The following PUS7L variants were observed in gnomAD, a reference collection of about 807,000 sequenced individuals.
PUS7L encodes the protein pseudouridylate synthase PUS7L.
A neutral mutation model predicts 51.1 loss-of-function variants in PUS7L; 49 were observed. The ratio of observed to expected loss-of-function variants is 0.96; its 90% CI spans 0.76 to 1.22. The LOEUF (loss-of-function observed/expected upper bound fraction) is 1.22. Among genes scored for constraint, PUS7L ranks in the 50% most tolerant of loss-of-function variants. The probability of loss-of-function intolerance (pLI) is 0.00; values close to 1 mark genes in which losing one functional copy is unlikely to be tolerated. For missense variants in PUS7L, 828 were observed against 820.6 expected (o/e 1.01, Z -0.11); for synonymous variants, 277 against 276.2 (o/e 1.00, Z -0.03).
At chr12:43,738,185 T>TA in intron 6 of PUS7L, 125 bp downstream of exon 6, 1 of 659,348 alleles carries the variant, frequency 1.5e-6, no homozygotes, top group Non-Finnish European at 2.7e-6. Flanking sequence ...GTGTTCAGTA[T>TA]GTAATATACT....
chr12:43,737,550 G>C (rs1300944697), intron 6 of PUS7L, among the ~76,000 whole-genome samples: 1 of 150,754 alleles, frequency 6.6e-6, no homozygotes, highest in Non-Finnish European at 1.5e-5. Context: ...TGTGCTTGCT[G>C]TTTTTATTAT....
At chr12:43,735,151 T>G (rs1000606363) in intron 7 of PUS7L, among the ~76,000 whole-genome samples, 10 of 151,178 alleles carry the variant, frequency 6.6e-5, no homozygotes, top group African/African-American at 2.4e-4. Context: ...CAGTCTCTAC[T>G]AAAAATAAAA....
At chr12:43,742,305 C>G in intron 5 of PUS7L, 152 bp downstream of exon 5, 2 of 579,924 alleles carry the variant, frequency 3.4e-6, no homozygotes, top group Non-Finnish European at 6.0e-6. Flanking sequence ...AAGGACAGAG[C>G]AGCAGCTTAC....
chr12:43,723,680 A>T lies in PUS7L; in HGVS notation c.*6696T>A, dbSNP rs1944422560. ...GCATTTTGTAGAGTACCTTTCACTTATTCAAATATTTGTTGGTTATTATGC... is the reference window on the plus strand; with the variant it reads ...GCATTTTGTAGAGTACCTTTCACTTTTTCAAATATTTGTTGGTTATTATGC... On this transcript the variant is annotated 3_prime_UTR_variant, in exon 9 of 9. Coordinates refer to ENST00000344862, the MANE Select transcript of PUS7L (RefSeq NM_031292.5). 1 of 152,120 alleles carries T rather than the reference A, an allele frequency of 6.6e-6. No homozygotes were observed. Among genetic ancestry groups the T allele is most frequent in the South Asian group, 2.1e-4 (1 of 4,826 alleles). 9.4% of individuals were successfully genotyped at this position (152,120 alleles called of 1,614,324 possible).
chr12:43,736,450 T>C lies in PUS7L; in HGVS notation c.1656A>G (p.Ala552=). ...AVSYRLETYG[A]RVVQGDLVCL... is the part of the protein sequence containing the mutation. ...AGACCAAATCACCCTGCACTACTCT[T>C]GCTCCATAGGTTTCAAGTCTGTAAG... The change falls in exon 7 of 9, where the codon GCA becomes GCG. Residue 552 remains alanine, a synonymous_variant. Coordinates refer to ENST00000344862, the MANE Select transcript of PUS7L (RefSeq NM_031292.5). The C allele has an allele frequency of 2.5e-6, 4 of 1,614,192 alleles. No homozygotes were observed. The highest frequency in any genetic ancestry group is 3.4e-6 in the Non-Finnish European group (4 of 1,180,016).
chr12:43,746,925 T>C (rs985960279), intron 3 of PUS7L, among the ~76,000 whole-genome samples: 2 of 152,296 alleles, frequency 1.3e-5, no homozygotes, highest in Middle Eastern at 3.4e-3. Context: ...CTCTCTTCCT[T>C]AGAGGGGAGC....
intron 5 of PUS7L, 68 bp from the exon 6 acceptor site, chr12:43,738,459 C>CT: frequency 1.2e-6 from 1 of 831,996 alleles, no homozygotes; most frequent in Non-Finnish European, 2.0e-6. Context: ...AAAAAAGATG[C>CT]AAATTCTCTA....
intron 2 of PUS7L, among the ~76,000 whole-genome samples, chr12:43,753,436 G>A (rs74609547): frequency 0.015 from 2,353 of 152,212 alleles, 61 homozygotes; most frequent in African/African-American, 0.053. Context: ...AACCCACATA[G>A]TTCCAAGGTC....
chr12:43,733,244 A>AT (rs149075510), intron 7 of PUS7L, among the ~76,000 whole-genome samples: 1 of 152,340 alleles, frequency 6.6e-6, no homozygotes, highest in African/African-American at 2.4e-5. Context: ...TAGTAACTCT[A>AT]TCAAAAGAAG....
chr12:43,741,670 T>C (rs1304529943), intron 5 of PUS7L, among the ~76,000 whole-genome samples: 1 of 152,196 alleles, frequency 6.6e-6, no homozygotes. Flanking sequence ...AAAATCTCCT[T>C]TGAAATGTGA....
At chr12:43,746,656 C>G (rs1159909913) in intron 3 of PUS7L, among the ~76,000 whole-genome samples, 1 of 152,186 alleles carries the variant, frequency 6.6e-6, no homozygotes, top group Non-Finnish European at 1.5e-5. Context: ...CACTTCCTTA[C>G]TCAAACTTTC....
At chr12:43,741,596 G>A (rs1937900177) in intron 5 of PUS7L, among the ~76,000 whole-genome samples, 1 of 152,200 alleles carries the variant, frequency 6.6e-6, no homozygotes, top group African/African-American at 2.4e-5. Flanking sequence ...TTTCTAGACT[G>A]AAGAACCACT....
At position 43,755,073 on chromosome 12, in the gene PUS7L, C is replaced by A. The variant is rs753616885; in HGVS notation, c.173G>T (p.Ser58Ile). 5.0e-6 allele frequency: 8 copies of A among 1,613,542 alleles called. No individual in the cohort carries two copies. The highest frequency in any genetic ancestry group is 2.5e-6 in the Non-Finnish European group (3 of 1,179,704). The change falls in exon 2 of 9, where the codon AGT (serine) becomes ATT (isoleucine). Residue 58 changes from serine to isoleucine, a missense_variant. By Grantham distance (142) the Ser-to-Ile change is moderately radical. Transcript: ENST00000344862. ...KTIDEPIFKI[S>I]EIQLEPNNFP... The stretch of plus-strand genomic sequence containing the variant: ...ATTATTTGGCTCAAGTTGTATTTCA[C>A]TAATCTTGAAAATAGGCTCATCGAT...
Position 43,728,361 on chromosome 12 carries a change from T to A in PUS7L, c.*2015A>T, listed in dbSNP as rs1318287722. The A allele has an allele frequency of 6.6e-6, 1 of 152,032 alleles. No individual in the cohort carries two copies. The highest frequency in any genetic ancestry group is 1.5e-5 in the Non-Finnish European group (1 of 67,970). 9.4% of individuals were successfully genotyped at this position (152,032 alleles called of 1,614,324 possible). A position where few individuals can be genotyped will look rare whatever the true frequency, so the allele number is the denominator to read the frequency against. The stretch of plus-strand genomic sequence containing the variant: ...TAGTGCCATCTGCAGGCAAAAAAAG[T>A]AAAATCAATGATATATTTTCATGCT... On this transcript the variant is annotated 3_prime_UTR_variant, in exon 9 of 9. Coordinates refer to ENST00000344862, the MANE Select transcript of PUS7L (RefSeq NM_031292.5).
intron 1 of PUS7L, among the ~76,000 whole-genome samples, chr12:43,755,772 T>C (rs1179333861): frequency 6.6e-6 from 1 of 152,136 alleles, no homozygotes; most frequent in African/African-American, 2.4e-5. Flanking sequence ...TAAATACAAA[T>C]TTGTGATTTG....
At chr12:43,750,484 T>C (rs915480478) in intron 2 of PUS7L, among the ~76,000 whole-genome samples, 1 of 152,232 alleles carries the variant, frequency 6.6e-6, no homozygotes, top group East Asian at 1.9e-4. Flanking sequence ...ACTAAATTTA[T>C]AAGTTTAATG....
rs759909472 is a variant in PUS7L, at chr12:43,755,023, G to T, written c.223C>A (p.Leu75Ile). ...CCATCTTCTAAGGACAGATTTTGAA[G>T]ATCTAGTTTTGGTTTTTTGGGAAAA... ...NNFPKKPKLD[L>I]QNLSLEDGRN... Residue 75 changes from leucine (L) to isoleucine (I), a missense_variant, in exon 2 of 9, where the codon CTT (leucine) becomes ATT (isoleucine). Leu to Ile is a conservative substitution (Grantham distance 5, BLOSUM62 2). Coordinates refer to ENST00000344862, the MANE Select transcript of PUS7L (RefSeq NM_031292.5). The T allele has an allele frequency of 2.5e-6, 4 of 1,612,850 alleles. No homozygotes were observed. The highest frequency in any genetic ancestry group is 1.3e-5 in the African/African-American group (1 of 74,812).
chr12:43,751,194 A>ATT (rs1555161323), intron 2 of PUS7L, among the ~76,000 whole-genome samples: 3 of 148,210 alleles, frequency 2.0e-5, no homozygotes, highest in African/African-American at 7.5e-5. Context: ...TTTATTTTTA[A>ATT]TTTATATATA....
chr12:43,737,184 C>T (rs1442969548), intron 6 of PUS7L, among the ~76,000 whole-genome samples: 1 of 152,118 alleles, frequency 6.6e-6, no homozygotes, highest in Non-Finnish European at 1.5e-5. Context: ...GATGCTTATT[C>T]ACGTATGGCC....
Sources: gnomAD v4.1 joint callset for allele counts (sites outside exome capture counted in the v4.1 genomes callset) on GRCh38, gnomAD v4.1.1 for gene constraint, MANE v1.5 for transcripts, NCBI Gene and HGNC (gene_info 2026-07-23, HGNC 2026-07-21) for gene names.